Variants in FLT3 observed in about 807,000 individuals in gnomAD.
FLT3 encodes the protein receptor-type tyrosine-protein kinase FLT3.
Under a neutral mutation model 126.6 loss-of-function variants are expected in FLT3, and 46 were observed. That is an observed-to-expected ratio of 0.36 (90% confidence interval 0.29 to 0.46). The LOEUF (loss-of-function observed/expected upper bound fraction) is 0.46. Ranked by LOEUF, FLT3 falls within the 20% of genes least tolerant of loss-of-function variation. The pLI is 1.00. For synonymous variants in FLT3, 404 were observed against 434.4 expected (o/e 0.93, Z 0.87); for missense variants, 1,069 against 1,190.3 (o/e 0.90, Z 1.50).
At chr13:28,010,817 G>A (rs571914819) in intron 23 of FLT3, among the ~76,000 whole-genome samples, 1 of 152,190 alleles carries the variant, frequency 6.6e-6, no homozygotes, top group Non-Finnish European at 1.5e-5. Context: ...GACTAGCCTG[G>A]CCAACATGGT....
chr13:28,050,496 T>C (rs1345721380), intron 5 of FLT3, among the ~76,000 whole-genome samples: 1 of 152,084 alleles, frequency 6.6e-6, no homozygotes, highest in East Asian at 1.9e-4. Context: ...TTTGTTGCTG[T>C]TGTTTAAAGA....
At chr13:28,085,370 A>G (rs978468659) in intron 1 of FLT3, among the ~76,000 whole-genome samples, 3 of 145,146 alleles carry the variant, frequency 2.1e-5, no homozygotes, top group Non-Finnish European at 3.0e-5. Context: ...AAAAAAAAAG[A>G]AAAGAAAAAA....
Position 28,014,503 on chromosome 13 carries a change from G to A in FLT3, c.2808C>T (p.Phe936=), listed in dbSNP as rs1319450170. The A allele has an allele frequency of 1.2e-6, 2 of 1,613,974 alleles. No homozygotes were observed. The highest frequency in any genetic ancestry group is 1.3e-5 in the African/African-American group (1 of 74,906). ...WAFDSRKRPS[F]PNLTSFLGCQ... ...ATCCTAAAAACGAAGTCAAATTAGG[G>A]AAGGATGGCCGTTTCCTTGAGTCAA... The change falls in exon 23 of 24, where the codon TTC becomes TTT. Residue 936 remains phenylalanine, a synonymous_variant. Coordinates refer to ENST00000241453, the MANE Select transcript of FLT3 (RefSeq NM_004119.3).
rs113186449 is a variant in FLT3 at position 28,029,211 on chromosome 13, T to C, written c.1943-923A>G. On this transcript the variant is annotated intron_variant, in intron 15 of 23. Coordinates refer to ENST00000241453, the MANE Select transcript of FLT3 (RefSeq NM_004119.3). Reference sequence around the variant, plus strand: ...TTGAAGACCAACCTGGCCAACATGGTGAAACCCTGTCTCTACTAAACATAC... The same window carrying C: ...TTGAAGACCAACCTGGCCAACATGGCGAAACCCTGTCTCTACTAAACATAC... 4.2e-3 allele frequency among the ~76,000 whole-genome samples: 640 copies of C among 152,242 alleles called. 4 individuals are homozygous for C. The highest frequency in any genetic ancestry group is 0.014 in the African/African-American group (598 of 41,560).
intron 1 of FLT3, among the ~76,000 whole-genome samples, chr13:28,086,619 C>CGT (rs35797346): frequency 0.11 from 14,585 of 134,596 alleles, 688 homozygotes; most frequent in East Asian, 0.13. Context: ...CTGAAGAACT[C>CGT]GTGTGTGTGT....
rs373450689 is a variant in FLT3, at chr13:28,019,879, C to A, written c.2419-1290G>T. ...CTCCCTCAGGGGCTTTGTGCACGAGCCTACTCTCACTCCTGAGGGCTGCAT... is the reference window on the plus strand; with the variant it reads ...CTCCCTCAGGGGCTTTGTGCACGAGACTACTCTCACTCCTGAGGGCTGCAT... On this transcript the variant is annotated intron_variant, in intron 19 of 23. Coordinates refer to ENST00000241453, the MANE Select transcript of FLT3 (RefSeq NM_004119.3). Among the ~76,000 whole-genome samples, 199 of 152,288 alleles carry A rather than the reference C, an allele frequency of 1.3e-3. 2 individuals are homozygous for A. The highest frequency in any genetic ancestry group is 4.7e-3 in the African/African-American group (195 of 41,546).
intron 9 of FLT3, among the ~76,000 whole-genome samples, chr13:28,038,816 G>A (rs1874080079): frequency 6.6e-6 from 1 of 152,138 alleles, no homozygotes; most frequent in South Asian, 2.1e-4. Context: ...GTGAGTCAGA[G>A]TGGACGCAGC....
intron 1 of FLT3, among the ~76,000 whole-genome samples, chr13:28,093,040 G>A (rs1424050777): frequency 6.7e-6 from 1 of 149,646 alleles, no homozygotes; most frequent in Non-Finnish European, 1.5e-5. Flanking sequence ...TCTTGCCTCA[G>A]CCTCCCTAGT....
In FLT3 at chr13:28,024,986, T is replaced by C. The variant is rs749599798; in HGVS notation, c.2208-43A>G. On this transcript the variant is annotated intron_variant, in intron 17 of 23. Transcript: ENST00000241453. ...TTTTTCATTATTTACATTATTCTTC[T>C]CAGCAGACATTTTATTTTAAAAATG... The C allele has an allele frequency of 4.9e-6, 5 of 1,021,964 alleles. No individual in the cohort carries two copies. In the Admixed American group the frequency reaches 8.4e-5, roughly 17 times the overall value. 63.3% of individuals were successfully genotyped at this position (1,021,964 alleles called of 1,614,324 possible).
At chr13:28,026,563 C>T (rs1872821729) in intron 17 of FLT3, among the ~76,000 whole-genome samples, 1 of 146,848 alleles carries the variant, frequency 6.8e-6, no homozygotes, top group South Asian at 2.2e-4. Context: ...CCAAGCATCT[C>T]TCAGGATCCC....
intron 13 of FLT3, 32 bp from the exon 14 acceptor site, chr13:28,034,246 A>G (rs769950416): frequency 1.9e-6 from 3 of 1,613,930 alleles, no homozygotes; most frequent in Non-Finnish European, 2.5e-6. Flanking sequence ...TCAGTTAGGA[A>G]TAGGCAGTTC....
At chr13:28,006,691 A>T (rs1330925369) in intron 23 of FLT3, among the ~76,000 whole-genome samples, 1 of 149,272 alleles carries the variant, frequency 6.7e-6, no homozygotes, top group East Asian at 2.0e-4. Flanking sequence ...GTTGTAATAC[A>T]TCACTCTTTT....
At chr13:28,047,174 A>T (rs1874959565) in intron 9 of FLT3, among the ~76,000 whole-genome samples, 1 of 152,176 alleles carries the variant, frequency 6.6e-6, no homozygotes, top group South Asian at 2.1e-4. Context: ...TCCACATTTT[A>T]AACATTTGCT....
chr13:28,035,615 C>T lies in FLT3; in HGVS notation c.1477G>A (p.Gly493Arg). 2 of 1,614,070 alleles carry T rather than the reference C, an allele frequency of 1.2e-6. No homozygotes were observed. Among genetic ancestry groups the T allele is most frequent in the Non-Finnish European group, 1.7e-6 (2 of 1,180,010 alleles). The change falls in exon 12 of 24, where the codon GGA becomes AGA. Residue 493 changes from glycine (G) to arginine (R), a missense_variant. Coordinates refer to ENST00000241453, the MANE Select transcript of FLT3 (RefSeq NM_004119.3). ...WNRKANRKVFGQWVSSSTLNM... is the reference protein window; with the variant it reads ...WNRKANRKVFRQWVSSSTLNM... ...AGAGTACTGCTCGACACCCACTGTC[C>T]AAACACTTTTCTGTTAGCCTTTCTA...
intron 1 of FLT3, among the ~76,000 whole-genome samples, chr13:28,076,976 G>GAGAA (rs1458059562): frequency 2.1e-4 from 26 of 121,878 alleles, no homozygotes; most frequent in African/African-American, 7.0e-4. Context: ...GGAAGGGAGG[G>GAGAA]AGGAAGGGAG....
rs1873737226 is a variant in FLT3 at position 28,035,360 on chromosome 13, C to G, written c.1597+135G>C. The G allele has an allele frequency of 5.1e-6, 4 of 785,554 alleles. No individual in the cohort carries two copies. The Middle Eastern group carries it at 7.6e-4, about 149-fold the overall frequency. 48.7% of individuals were successfully genotyped at this position (785,554 alleles called of 1,614,324 possible). A position where few individuals can be genotyped will look rare whatever the true frequency, so the allele number is the denominator to read the frequency against. ...AAACAGTCTCTCTGGGGATTCTTGC[C>G]TGACTCAAGAAACCTTTTCTCACAC... On this transcript the variant is annotated intron_variant, in intron 12 of 23. Coordinates refer to ENST00000241453, the MANE Select transcript of FLT3 (RefSeq NM_004119.3).
At chr13:28,067,980 T>G (rs1337370127) in intron 2 of FLT3, 2 of 285,174 alleles carry the variant, frequency 7.0e-6, no homozygotes, top group African/African-American at 4.6e-5. Context: ...ACTTCAGTTC[T>G]TCACAAAGAG....
At chr13:28,013,761 CT>C (rs889048656) in intron 23 of FLT3, among the ~76,000 whole-genome samples, 29 of 152,320 alleles carry the variant, frequency 1.9e-4, no homozygotes, top group African/African-American at 7.0e-4. Flanking sequence ...GGTCAATGCT[CT>C]TTCCAGGCTA....
intron 8 of FLT3, among the ~76,000 whole-genome samples, 187 bp downstream of exon 8, chr13:28,049,197 G>C (rs1389624079): frequency 6.6e-6 from 1 of 152,168 alleles, no homozygotes; most frequent in South Asian, 2.1e-4. Context: ...GCATTCAAGC[G>C]AGCCTGGTTT....
Sources: allele counts gnomAD v4.1 joint callset (sites outside exome capture counted in the v4.1 genomes callset), GRCh38; gene constraint gnomAD v4.1.1; transcripts MANE v1.5; gene names NCBI Gene and HGNC (gene_info 2026-07-23, HGNC 2026-07-21).